OS9: variants seen among roughly 807,000 people sequenced by gnomAD.
OS9 encodes protein OS-9.
A neutral mutation model predicts 84.7 loss-of-function variants in OS9; 58 were observed. The observed-to-expected ratio is 0.68, with a 90% CI of 0.55 to 0.85. The LOEUF is 0.85. OS9 is among the 40% of genes least tolerant of loss of function. The pLI is 0.00. For synonymous variants in OS9, 278 were observed against 320.8 expected (o/e 0.87, Z 1.43); for missense variants, 760 against 850.9 (o/e 0.89, Z 1.33).
At position 57,696,379 on chromosome 12, in the gene OS9, T is replaced by C; in HGVS notation, c.579+6T>C. 1 of 1,489,042 alleles carries C rather than the reference T, an allele frequency of 6.7e-7. No homozygotes were observed. Among genetic ancestry groups the C allele is most frequent in the Non-Finnish European group, 9.1e-7 (1 of 1,102,066 alleles). 92.2% of individuals were successfully genotyped at this position (1,489,042 alleles called of 1,614,324 possible). A position where few individuals can be genotyped will look rare whatever the true frequency, so the allele number is the denominator to read the frequency against. On this transcript the variant is annotated splice_donor_region_variant and intron_variant, in intron 5 of 14. Transcript: ENST00000315970. The stretch of plus-strand genomic sequence containing the variant: ...CCCGGGAGGCCGAGGTTCGGGTGAG[T>C]CTTGAGAGAGGGAAGTTGACACTCC...
Position 57,694,181 on chromosome 12 carries a change from TGTC to T in OS9, c.21_23del (p.Ser9del). The T allele has an allele frequency of 6.2e-7, 1 of 1,614,212 alleles. No homozygotes were observed. Among genetic ancestry groups the T allele is most frequent in the Non-Finnish European group, 8.5e-7 (1 of 1,180,024 alleles). ...CGAAAGATGGCGGCGGAAACGCTGC[TGTC>T]CAGTTTGTTAGGACTGCTGCTTCTG... On this transcript the variant is annotated inframe_deletion, in exon 1 of 15. Transcript: ENST00000315970.
In OS9 at chr12:57,721,480, A is replaced by G. The variant is rs1954678715; in HGVS notation, c.*571A>G. 1 of 153,500 alleles carries G rather than the reference A, an allele frequency of 6.5e-6. No homozygotes were observed. The highest frequency in any genetic ancestry group is 1.5e-5 in the Non-Finnish European group (1 of 68,862). 9.5% of individuals were successfully genotyped at this position (153,500 alleles called of 1,614,324 possible). A position where few individuals can be genotyped will look rare whatever the true frequency, so the allele number is the denominator to read the frequency against. Reference sequence around the variant, plus strand: ...GAATGCTGCCTATCACCTCCAGCACAATCCCAGTGAAAAAGGTGTGAAGCA... The same window carrying G: ...GAATGCTGCCTATCACCTCCAGCACGATCCCAGTGAAAAAGGTGTGAAGCA... On this transcript the variant is annotated 3_prime_UTR_variant, in exon 15 of 15. Coordinates refer to ENST00000315970, the MANE Select transcript of OS9 (RefSeq NM_006812.4).
At chr12:57,714,859 A>G (rs748959586) in intron 5 of OS9, among the ~76,000 whole-genome samples, 4 of 152,192 alleles carry the variant, frequency 2.6e-5, no homozygotes, top group Admixed American at 2.0e-4. Context: ...GGCCTCCCAA[A>G]GTGTTGGGAT....
chr12:57,716,083 T>C lies in OS9; in HGVS notation c.791-9T>C, dbSNP rs1393698677. The C allele has an allele frequency of 1.2e-6, 2 of 1,611,890 alleles. No homozygotes were observed. Among genetic ancestry groups the C allele is most frequent in the Admixed American group, 3.3e-5 (2 of 60,012 alleles). On this transcript the variant is annotated splice_polypyrimidine_tract_variant and intron_variant, in intron 6 of 14. Coordinates refer to ENST00000315970, the MANE Select transcript of OS9 (RefSeq NM_006812.4). ...GTTCCTGGCCTGCTTGCATGCTGTT[T>C]CTCAGTAGACTCAAAGCAGTATGGA...
chr12:57,701,161 G>A (rs1163064034), intron 5 of OS9, among the ~76,000 whole-genome samples: 1 of 148,908 alleles, frequency 6.7e-6, no homozygotes, highest in East Asian at 2.0e-4. Context: ...AATAGATAGT[G>A]TTTTGTGTTT....
At position 57,716,144 on chromosome 12, in the gene OS9, C is replaced by T. The variant is rs1954484756; in HGVS notation, c.843C>T (p.Pro281=). 1 of 1,613,202 alleles carries T rather than the reference C, an allele frequency of 6.2e-7. No individual in the cohort carries two copies. Among genetic ancestry groups the T allele is most frequent in the Non-Finnish European group, 8.5e-7 (1 of 1,179,904 alleles). Residue 281 remains proline (P), a synonymous_variant, in exon 7 of 15, where the codon CCC becomes CCT. Coordinates refer to ENST00000315970, the MANE Select transcript of OS9 (RefSeq NM_006812.4). ...TAGAGGAGCTGCAAGATCTAGGCCC[C>T]CAAGTGTGGAGTGAGACCAAGTCTG... ...KIIEELQDLG[P]QVWSETKSGV...
In OS9 at chr12:57,718,399, A is replaced by T; in HGVS notation, c.1388A>T (p.Glu463Val). 1 of 1,613,858 alleles carries T rather than the reference A, an allele frequency of 6.2e-7. No homozygotes were observed. Among genetic ancestry groups the T allele is most frequent in the African/African-American group, 1.3e-5 (1 of 75,008 alleles). The stretch of plus-strand genomic sequence containing the variant: ...GAGGTGAAGGCTGGCATGGAGCGGG[A>T]ACTGGAAAACATCATCCAGGAGGCA... ...RSEVKAGMER[E>V]LENIIQETEK... Residue 463 changes from glutamate (E) to valine (V), a missense_variant, in exon 11 of 15, where the codon GAA becomes GTA. Physicochemically the swap from Glu to Val is moderately radical, Grantham distance 121. Transcript: ENST00000315970.
chr12:57,716,060 T>TC, intron 6 of OS9, 32 bp from the exon 7 acceptor site: 1 of 1,601,144 alleles, frequency 6.2e-7, no homozygotes. Context: ...AGGAATGTGT[T>TC]CCTGGCCTGC....
At chr12:57,694,652 C>A in intron 1 of OS9, 98 bp from the exon 2 acceptor site, 1 of 1,255,666 alleles carries the variant, frequency 8.0e-7, no homozygotes, top group Non-Finnish European at 1.2e-6. Flanking sequence ...CTGTCTTCGA[C>A]TGATCTCTTC....
chr12:57,713,693 C>G (rs927577031), intron 5 of OS9, among the ~76,000 whole-genome samples: 7 of 150,928 alleles, frequency 4.6e-5, no homozygotes, highest in South Asian at 2.1e-4. Flanking sequence ...CACCGCCCCA[C>G]CCCACTTTTT....
intron 12 of OS9, 170 bp downstream of exon 12, chr12:57,719,352 TG>T: frequency 3.3e-6 from 2 of 611,692 alleles, no homozygotes; most frequent in South Asian, 4.1e-5. Context: ...ATCATCCCTT[TG>T]CGTGTTTACC....
chr12:57,701,348 T>G (rs2140299978), intron 5 of OS9, among the ~76,000 whole-genome samples: 1 of 135,574 alleles, frequency 7.4e-6, no homozygotes, highest in South Asian at 2.5e-4. Flanking sequence ...CAATCTAGGC[T>G]CACTGCAACC....
At chr12:57,696,462 G>A (rs1953845690) in intron 5 of OS9, 89 bp downstream of exon 5, 5 of 174,688 alleles carry the variant, frequency 2.9e-5, no homozygotes, top group Non-Finnish European at 2.6e-5. Context: ...CGGGGCGGGG[G>A]CGGGGGGGGT....
chr12:57,705,484 T>C (rs992604947), intron 5 of OS9, among the ~76,000 whole-genome samples: 1 of 152,198 alleles, frequency 6.6e-6, no homozygotes, highest in Admixed American at 6.5e-5. Flanking sequence ...TACAGGACCT[T>C]ATAGTTTTAG....
intron 5 of OS9, among the ~76,000 whole-genome samples, chr12:57,712,747 G>T (rs1954368035): frequency 6.6e-6 from 1 of 151,716 alleles, no homozygotes; most frequent in Admixed American, 6.6e-5. Context: ...TCAGTGACTT[G>T]GCTGCACTAC....
At chr12:57,698,282 C>CA (rs1953924180) in intron 5 of OS9, among the ~76,000 whole-genome samples, 1 of 148,452 alleles carries the variant, frequency 6.7e-6, no homozygotes, top group Non-Finnish European at 1.5e-5. Flanking sequence ...CAAGCATCCA[C>CA]ACACGTATAT....
chr12:57,720,631 C>A, intron 14 of OS9, 113 bp downstream of exon 14: 1 of 1,275,738 alleles, frequency 7.8e-7, no homozygotes, highest in East Asian at 2.3e-5. Context: ...TAAGACAAGG[C>A]TGGGGTTCCA....
At chr12:57,716,281 G>C (rs868241740) in intron 7 of OS9, 88 bp downstream of exon 7, 8 of 771,368 alleles carry the variant, frequency 1.0e-5, no homozygotes, top group Middle Eastern at 5.8e-4. Context: ...TGGTGGGGTG[G>C]GGGGGGGTGG....
chr12:57,716,011 G>A, intron 6 of OS9, 41 bp downstream of exon 6: 1 of 1,603,186 alleles, frequency 6.2e-7, no homozygotes, highest in African/African-American at 1.3e-5. Context: ...GGAGATACGG[G>A]GGCAGGGGGT....
Sources: allele counts gnomAD v4.1 joint callset (sites outside exome capture counted in the v4.1 genomes callset), GRCh38; gene constraint gnomAD v4.1.1; transcripts MANE v1.5; gene names NCBI Gene and HGNC (gene_info 2026-07-23, HGNC 2026-07-21).